COL6A3: variants seen among roughly 807,000 people sequenced by gnomAD.
COL6A3 encodes collagen type VI alpha 3 chain, also known as collagen alpha-3(VI) chain.
Under a neutral mutation model 274.1 loss-of-function variants are expected in COL6A3, and 137 were observed. That is an observed-to-expected ratio of 0.50 (90% CI 0.44 to 0.58). The LOEUF (loss-of-function observed/expected upper bound fraction) is 0.58. Ranked by LOEUF, COL6A3 falls within the 20% of genes least tolerant of loss-of-function variation. The probability of loss-of-function intolerance (pLI) is 0.00; values close to 1 mark genes in which losing one functional copy is unlikely to be tolerated. For synonymous variants in COL6A3, 1,650 were observed against 1,650.6 expected (o/e 1.00, Z 0.01); for missense variants, 3,950 against 4,124.9 (o/e 0.96, Z 1.16).
chr2:237,364,607 G>A lies in COL6A3; in HGVS notation c.5839-179C>T, dbSNP rs1369060796. 3.3e-5 allele frequency among the ~76,000 whole-genome samples: 5 copies of A among 152,342 alleles called. No homozygotes were observed. Among genetic ancestry groups the A allele is most frequent in the Middle Eastern group, 3.4e-3 (1 of 294 alleles). On this transcript the variant is annotated intron_variant, in intron 12 of 43. Transcript: ENST00000295550. The surrounding 1 kb of genome is among the most constrained non-coding windows in gnomAD (Gnocchi z 4.6). ...AGACTTTGATATTGCACTTAAAATG[G>A]AGGAGTATATTTGAGTGCTTAATTT... is the stretch of plus-strand genomic sequence containing the variant.
chr2:237,348,452 T>C, intron 29 of COL6A3, 68 bp from the exon 30 acceptor site: 1 of 1,440,186 alleles, frequency 6.9e-7, no homozygotes, highest in South Asian at 1.2e-5. Flanking sequence ...AAATTGACCT[T>C]GAAAGAAAGA....
chr2:237,335,283 T>G (rs1301595892), intron 40 of COL6A3, among the ~76,000 whole-genome samples: 2 of 152,216 alleles, frequency 1.3e-5, no homozygotes, highest in Non-Finnish European at 2.9e-5. Flanking sequence ...GAATTCTGCT[T>G]TCTCTCTCAT....
At chr2:237,365,164 A>G (rs1366615118) in intron 12 of COL6A3, among the ~76,000 whole-genome samples, 1 of 149,576 alleles carries the variant, frequency 6.7e-6, no homozygotes, top group African/African-American at 2.5e-5. Flanking sequence ...ATGTGGAGAC[A>G]CAGGGAGAAG....
rs1341482346 is a variant in COL6A3, at chr2:237,376,445, C to T, written c.3070+327G>A. 3.3e-5 allele frequency among the ~76,000 whole-genome samples: 5 copies of T among 152,272 alleles called. No individual in the cohort carries two copies. In the South Asian group the frequency reaches 1.0e-3, roughly 32 times the overall value. On this transcript the variant is annotated intron_variant, in intron 7 of 43. Transcript: ENST00000295550. Reference sequence around the variant, plus strand: ...GGTACAATGTAACCATATGATATGGCTTTTATTATGCATACCATAAAAACT... The same window carrying T: ...GGTACAATGTAACCATATGATATGGTTTTTATTATGCATACCATAAAAACT...
chr2:237,394,974 T>C lies in COL6A3; in HGVS notation c.322A>G (p.Asn108Asp), dbSNP rs2078395425. Residue 108 changes from asparagine (N) to aspartate (D), a missense_variant, in exon 3 of 44, where the codon AAC (asparagine) becomes GAC (aspartate). Asn to Asp is a conservative substitution (Grantham distance 23). Coordinates refer to ENST00000295550, the MANE Select transcript of COL6A3 (RefSeq NM_004369.4). ...TTGGTTCCCCCAATATAAGACATGT[T>C]GGAAATATGAGAAAGGACTTCTTGT... ...TKQEVLSHIS[N>D]MSYIGGTNQT... is the part of the protein sequence containing the mutation. The C allele has an allele frequency of 2.5e-6, 4 of 1,614,066 alleles. No individual in the cohort carries two copies. The highest frequency in any genetic ancestry group is 3.3e-5 in the Admixed American group (2 of 60,006).
Position 237,364,985 on chromosome 2 carries a change from A to G in COL6A3, c.5839-557T>C, listed in dbSNP as rs1385264024. On this transcript the variant is annotated intron_variant, in intron 12 of 43. Transcript: ENST00000295550. This position sits in a 1 kb window ranked among gnomAD's most constrained non-coding sequence, Gnocchi z 4.6. ...TAAATTGTGTCCCCTCAAAATTTGT[A>G]TGTTAAGTCCTAAACCCCAGTACCG... Among the ~76,000 whole-genome samples the G allele has an allele frequency of 2.0e-5, 3 of 151,616 alleles. No individual in the cohort carries two copies. Among genetic ancestry groups the G allele is most frequent in the African/African-American group, 4.9e-5 (2 of 41,194 alleles).
At chr2:237,353,500 G>T in intron 24 of COL6A3, 97 bp from the exon 25 acceptor site, 1 of 1,092,256 alleles carries the variant, frequency 9.2e-7, no homozygotes, top group Non-Finnish European at 1.4e-6. Context: ...GACTTGGAAA[G>T]CAACCAGGGA....
In COL6A3 at chr2:237,387,841, G is replaced by A; in HGVS notation, c.1053C>T (p.Val351=). The stretch of plus-strand genomic sequence containing the variant: ...CACTAGAAGGCCCGGCACTTATGAG[G>A]ACCAGCACCTGGGGAACCCCTTCCT... ...RVEEGVPQVL[V]LISAGPSSDE... The change falls in exon 4 of 44, where the codon GTC becomes GTT. Residue 351 remains valine, a synonymous_variant. Coordinates refer to ENST00000295550, the MANE Select transcript of COL6A3 (RefSeq NM_004369.4). 6.2e-7 allele frequency: 1 copy of A among 1,614,134 alleles called. No individual in the cohort carries two copies. Among genetic ancestry groups the A allele is most frequent in the Non-Finnish European group, 8.5e-7 (1 of 1,180,026 alleles).
chr2:237,399,522 C>T (rs1379148034), intron 1 of COL6A3, among the ~76,000 whole-genome samples: 1 of 152,182 alleles, frequency 6.6e-6, no homozygotes, highest in Non-Finnish European at 1.5e-5. Flanking sequence ...CCATTCCATT[C>T]GATGTTCTAA....
intron 1 of COL6A3, among the ~76,000 whole-genome samples, chr2:237,401,430 G>A (rs2078586881): frequency 6.6e-6 from 1 of 151,768 alleles, no homozygotes; most frequent in Non-Finnish European, 1.5e-5. Context: ...TTCTTCCTTG[G>A]TTAAGTATAT....
Position 237,345,890 on chromosome 2 carries a change from C to T in COL6A3, c.7092+613G>A, listed in dbSNP as rs139603153. On this transcript the variant is annotated intron_variant, in intron 32 of 43. Coordinates refer to ENST00000295550, the MANE Select transcript of COL6A3 (RefSeq NM_004369.4). ...AACCAAACTAAGCCCTGAACCTTTC[C>T]TTCTAGGAATGATTTTCCAACTCCT... Among the ~76,000 whole-genome samples, 51 of 152,298 alleles carry T rather than the reference C, an allele frequency of 3.3e-4. 1 individual carries two copies. Among genetic ancestry groups the T allele is most frequent in the African/African-American group, 1.2e-3 (49 of 41,562 alleles).
At chr2:237,373,726 G>A (rs1351230029) in intron 8 of COL6A3, among the ~76,000 whole-genome samples, 2 of 152,140 alleles carry the variant, frequency 1.3e-5, no homozygotes, top group Non-Finnish European at 2.9e-5. Context: ...GAGTGACCCG[G>A]GAGAGTGGCC....
chr2:237,409,631 A>T (rs1375693640), intron 1 of COL6A3, among the ~76,000 whole-genome samples: 2 of 152,180 alleles, frequency 1.3e-5, no homozygotes, highest in Non-Finnish European at 2.9e-5. Flanking sequence ...CATAAATCTG[A>T]GAGTCAGTAA....
At position 237,387,806 on chromosome 2, in the gene COL6A3, C is replaced by A; in HGVS notation, c.1088G>T (p.Arg363Leu). Residue 363 changes from arginine (R) to leucine (L), a missense_variant, in exon 4 of 44, where the codon CGC (arginine) becomes CTC (leucine). By Grantham distance (102) the Arg-to-Leu change is moderately radical. Around this residue, in one of 5 missense-constraint regions of COL6A3, gnomAD observed 1,934 missense variants for 1,984.3 expected, o/e 0.97. Coordinates refer to ENST00000295550, the MANE Select transcript of COL6A3 (RefSeq NM_004369.4). ...CTGCTTCAGTGCTACCACCCCGTAG[C>A]GAATCTCGTCACTAGAAGGCCCGGC... ...ISAGPSSDEI[R>L]YGVVALKQAS... 6.2e-7 allele frequency: 1 copy of A among 1,614,110 alleles called. No homozygotes were observed. The highest frequency in any genetic ancestry group is 2.2e-5 in the East Asian group (1 of 44,874).
At chr2:237,388,461 A>G (rs1029876997) in intron 3 of COL6A3, among the ~76,000 whole-genome samples, 2 of 152,182 alleles carry the variant, frequency 1.3e-5, no homozygotes, top group Non-Finnish European at 1.5e-5. Context: ...CATCATATTC[A>G]CTTTTCTGAG....
chr2:237,337,873 T>TC (rs1158774532), intron 39 of COL6A3, among the ~76,000 whole-genome samples: 1 of 145,106 alleles, frequency 6.9e-6, no homozygotes, highest in Non-Finnish European at 1.5e-5. Context: ...TCCTGCCCAC[T>TC]CCCACCCCTC....
In COL6A3 at chr2:237,366,694, A is replaced by C; in HGVS notation, c.5493T>G (p.Ala1831=). The C allele has an allele frequency of 5.0e-6, 8 of 1,614,260 alleles. No individual in the cohort carries two copies. The highest frequency in any genetic ancestry group is 6.8e-6 in the Non-Finnish European group (8 of 1,180,046). The change falls in exon 11 of 44, where the codon GCT becomes GCG. Residue 1831 remains alanine, a synonymous_variant. Transcript: ENST00000295550. ...HETLCPGVTD[A]AKACNLDVIL... is the part of the protein sequence containing the mutation. ...GCACATAATGGGAGTTACCTTTGGC[A>C]GCATCAGTTACACCAGGGCAAAGGG...
chr2:237,350,133 C>A lies in COL6A3; in HGVS notation c.6879+14G>T, dbSNP rs371203688. On this transcript the variant is annotated intron_variant, in intron 28 of 43. Transcript: ENST00000295550. ...GTCAGCGACAGCCTGACCCCAAGCG[C>A]GCTGTGACCTTACCGTCTCCCCACG... 1.1e-5 allele frequency: 17 copies of A among 1,613,716 alleles called. No individual in the cohort carries two copies. The African/African-American group carries it at 2.1e-4, about 20-fold the overall frequency.
At chr2:237,335,040 C>G (rs1317644214) in intron 40 of COL6A3, 151 bp from the exon 41 acceptor site, 9 of 824,338 alleles carry the variant, frequency 1.1e-5, no homozygotes, top group Admixed American at 2.2e-5. Flanking sequence ...GTTCAAGCCC[C>G]TAAAAAACAT....
Sources: allele counts gnomAD v4.1 joint callset (sites outside exome capture counted in the v4.1 genomes callset), GRCh38; gene constraint gnomAD v4.1.1; regional missense constraint gnomAD v4.1.1; non-coding constraint Gnocchi (gnomAD v3.1); transcripts MANE v1.5; gene names NCBI Gene and HGNC (gene_info 2026-07-23, HGNC 2026-07-21).